Variants in HSD17B4 observed in about 807,000 individuals in gnomAD.
The protein encoded by HSD17B4 is peroxisomal multifunctional enzyme type 2.
A neutral mutation model predicts 101.0 loss-of-function variants in HSD17B4; 70 were observed. The ratio of observed to expected loss-of-function variants is 0.69; its 90% confidence interval spans 0.57 to 0.85. The LOEUF is 0.85. Among genes scored for constraint, HSD17B4 ranks in the 40% least tolerant of loss-of-function variants. The probability of loss-of-function intolerance (pLI) is 0.00; values close to 1 mark genes in which losing one functional copy is unlikely to be tolerated. For synonymous variants in HSD17B4, 347 were observed against 297.1 expected (o/e 1.17, Z -1.73); for missense variants, 984 against 892.4 (o/e 1.10, Z -1.31).
intron 14 of HSD17B4, among the ~76,000 whole-genome samples, chr5:119,505,235 T>C (rs2126801371): frequency 6.6e-6 from 1 of 152,278 alleles, no homozygotes; most frequent in African/African-American, 2.4e-5. Flanking sequence ...TCTGGCTCTT[T>C]CTGGTACCAT....
chr5:119,492,388 A>C, intron 10 of HSD17B4: 1 of 495,972 alleles, frequency 2.0e-6, no homozygotes, highest in Non-Finnish European at 3.6e-6. Context: ...AGAACTGGCT[A>C]TTCCTTCAGA....
chr5:119,531,889 A>G (rs2126898704), intron 22 of HSD17B4, among the ~76,000 whole-genome samples: 1 of 152,280 alleles, frequency 6.6e-6, no homozygotes, highest in South Asian at 2.1e-4. Context: ...ATTATGGTCA[A>G]AGGTGTTTGT....
intron 20 of HSD17B4, 110 bp downstream of exon 20, chr5:119,527,329 A>T: frequency 3.0e-6 from 2 of 665,462 alleles, no homozygotes; most frequent in Non-Finnish European, 5.5e-6. Context: ...AGTAATGGTA[A>T]ATTTTAATTA....
chr5:119,536,426 T>C lies in HSD17B4; in HGVS notation c.1997T>C (p.Ile666Thr), dbSNP rs1754542030. The C allele has an allele frequency of 3.1e-6, 5 of 1,612,162 alleles. No individual in the cohort carries two copies. The highest frequency in any genetic ancestry group is 2.7e-5 in the African/African-American group (2 of 74,966). Residue 666 changes from isoleucine to threonine, a missense_variant, in exon 23 of 24, where the codon ATT (isoleucine) becomes ACT (threonine). Coordinates refer to ENST00000510025, the MANE Select transcript of HSD17B4 (RefSeq NM_000414.4). ...GGTTTCTTCCTATTTTTCCCAGCTA[T>C]TGACCTGAAAAGTGGTTCTGGAAAA... ...KGGNIGAKWTIDLKSGSGKVY... is the reference protein window; with the variant it reads ...KGGNIGAKWTTDLKSGSGKVY...
rs1205912071 is a variant in HSD17B4, at chr5:119,536,366, A to G, written c.1994-57A>G. The G allele has an allele frequency of 2.6e-6, 4 of 1,513,030 alleles. No individual in the cohort carries two copies. In the African/African-American group the frequency reaches 5.5e-5, roughly 21 times the overall value. 93.7% of individuals were successfully genotyped at this position (1,513,030 alleles called of 1,614,324 possible). On this transcript the variant is annotated intron_variant, in intron 22 of 23. Transcript: ENST00000510025. ...GTCTGCATTTTACTTGGTTTATTTT[A>G]CCCTCATTTTGTTGGAGAGAAAAAG...
intron 15 of HSD17B4, among the ~76,000 whole-genome samples, chr5:119,508,315 A>C (rs1285269583): frequency 6.6e-6 from 1 of 152,060 alleles, no homozygotes; most frequent in African/African-American, 2.4e-5. Context: ...ACAACTTGGT[A>C]ATGGTCCTTA....
In HSD17B4 at chr5:119,509,229, A is replaced by G. The variant is rs746747692; in HGVS notation, c.1422A>G (p.Thr474=). The change falls in exon 16 of 24, where the codon ACA becomes ACG. Residue 474 remains threonine (T), a synonymous_variant. Coordinates refer to ENST00000510025, the MANE Select transcript of HSD17B4 (RefSeq NM_000414.4). ...CTGGAGGCTTTGGTGGAAAACGGAC[A>G]TCAGACAAAGTCAAGGTAAGCCATG... The part of the protein sequence containing the change: ...VGSGGFGGKR[T]SDKVKVAVAI... 33 of 1,599,532 alleles carry G rather than the reference A, an allele frequency of 2.1e-5. No homozygotes were observed. Among genetic ancestry groups the G allele is most frequent in the Non-Finnish European group, 2.7e-5 (31 of 1,166,776 alleles).
At chr5:119,465,875 T>C (rs1460182836) in intron 2 of HSD17B4, among the ~76,000 whole-genome samples, 1 of 152,188 alleles carries the variant, frequency 6.6e-6, no homozygotes. Flanking sequence ...ATAAGAGCGG[T>C]GAAAGTGGGC....
At chr5:119,516,215 C>G (rs909694020) in intron 17 of HSD17B4, among the ~76,000 whole-genome samples, 1 of 151,942 alleles carries the variant, frequency 6.6e-6, no homozygotes, top group Admixed American at 6.6e-5. Context: ...ATTACTGTTT[C>G]TTATGAATTT....
intron 1 of HSD17B4, among the ~76,000 whole-genome samples, chr5:119,453,434 A>G (rs1754282293): frequency 6.6e-6 from 1 of 152,160 alleles, no homozygotes; most frequent in African/African-American, 2.4e-5. Context: ...ACAAAAAATT[A>G]AAACAAACCA....
At chr5:119,536,238 G>C in intron 22 of HSD17B4, 185 bp from the exon 23 acceptor site, 1 of 571,390 alleles carries the variant, frequency 1.8e-6, no homozygotes, top group South Asian at 2.0e-5. Context: ...CTGTATTCTT[G>C]TATTTCTATA....
chr5:119,499,579 T>A, intron 13 of HSD17B4, 26 bp downstream of exon 13: 1 of 1,352,792 alleles, frequency 7.4e-7, no homozygotes. Flanking sequence ...AACCTTTATT[T>A]TGCTTTTCTA....
At chr5:119,504,534 T>C (rs1197904175) in intron 14 of HSD17B4, among the ~76,000 whole-genome samples, 1 of 152,222 alleles carries the variant, frequency 6.6e-6, no homozygotes, top group Non-Finnish European at 1.5e-5. Flanking sequence ...TGATGATTAG[T>C]GTTATGAAGC....
intron 2 of HSD17B4, among the ~76,000 whole-genome samples, chr5:119,473,600 G>C (rs1748250564): frequency 6.6e-6 from 1 of 152,020 alleles, no homozygotes. Context: ...TGGAATTACG[G>C]GTATAAGCCA....
chr5:119,475,209 G>T (rs185021050), intron 4 of HSD17B4, among the ~76,000 whole-genome samples: 223 of 152,222 alleles, frequency 1.5e-3, no homozygotes, highest in African/African-American at 5.3e-3. Flanking sequence ...CCACAAGAGG[G>T]TTGAACCTTA....
Position 119,473,908 on chromosome 5 carries a change from T to C in HSD17B4, c.113T>C (p.Val38Ala), listed in dbSNP as rs1748302295. The C allele has an allele frequency of 1.3e-6, 2 of 1,548,968 alleles. No homozygotes were observed. The highest frequency in any genetic ancestry group is 1.8e-6 in the Non-Finnish European group (2 of 1,120,628). Residue 38 changes from valine (V) to alanine (A), a missense_variant and splice_region_variant, in exon 3 of 24, where the codon GTG becomes GCG. Transcript: ENST00000510025. ...AFAERGALVV[V>A]NDLGGDFKGV... ...TTGTTTGCTTGTTTTTGCATTACAG[T>C]GAATGATTTGGGAGGGGACTTCAAA...
chr5:119,478,878 G>C lies in HSD17B4; in HGVS notation c.479G>C (p.Gly160Ala), dbSNP rs1383798931. The change falls in exon 8 of 24, where the codon GGC becomes GCC. Residue 160 changes from glycine (G) to alanine (A), a missense_variant. Gly to Ala is a moderately conservative substitution (Grantham distance 60, BLOSUM62 0). Coordinates refer to ENST00000510025, the MANE Select transcript of HSD17B4 (RefSeq NM_000414.4). ...GCTTCAGGAATATATGGCAACTTTG[G>C]CCAGGCCAATTATAGTGCTGCAAAG... ...SSASGIYGNF[G>A]QANYSAAKLG... is the part of the protein sequence containing the mutation. 2 of 1,613,498 alleles carry C rather than the reference G, an allele frequency of 1.2e-6. No homozygotes were observed. The highest frequency in any genetic ancestry group is 2.7e-5 in the African/African-American group (2 of 74,860).
At chr5:119,456,424 T>C (rs1006299088) in intron 2 of HSD17B4, 56 bp downstream of exon 2, 9 of 1,011,744 alleles carry the variant, frequency 8.9e-6, no homozygotes, top group Non-Finnish European at 1.1e-5. Flanking sequence ...ATACAATCTT[T>C]ACAAGCTATC....
chr5:119,469,733 T>C (rs1369395419), intron 2 of HSD17B4, among the ~76,000 whole-genome samples: 1 of 152,246 alleles, frequency 6.6e-6, no homozygotes, highest in African/African-American at 2.4e-5. Flanking sequence ...CTTTTATGAA[T>C]TAACTTTTGT....
Sources: allele counts gnomAD v4.1 joint callset (sites outside exome capture counted in the v4.1 genomes callset), GRCh38; gene constraint gnomAD v4.1.1; transcripts MANE v1.5; gene names NCBI Gene and HGNC (gene_info 2026-07-23, HGNC 2026-07-21).